The following DGKI variants were observed in gnomAD, a reference collection of about 807,000 sequenced individuals.
DGKI encodes DAG kinase iota.
In DGKI, 55 loss-of-function variants were observed where a neutral mutation model predicts 147.5. The observed-to-expected ratio is 0.37, with a 90% confidence interval of 0.30 to 0.47. The LOEUF (loss-of-function observed/expected upper bound fraction) is 0.47. Ranked by LOEUF, DGKI falls within the 20% of genes least tolerant of loss-of-function variation. The pLI, the probability that DGKI is intolerant of heterozygous loss-of-function variation, is 1.00. For missense variants in DGKI, 1,007 were observed against 1,323.8 expected (o/e 0.76, Z 3.71); for synonymous variants, 469 against 477.1 (o/e 0.98, Z 0.22).
At chr7:137,718,516 T>C (rs1794450779) in intron 1 of DGKI, among the ~76,000 whole-genome samples, 1 of 152,174 alleles carries the variant, frequency 6.6e-6, no homozygotes, top group African/African-American at 2.4e-5. Flanking sequence ...TCAGGGCCAC[T>C]CAAGCGCTTT....
At chr7:137,652,825 G>A (rs752094235) in intron 5 of DGKI, among the ~76,000 whole-genome samples, 6 of 152,020 alleles carry the variant, frequency 3.9e-5, no homozygotes, top group Non-Finnish European at 5.9e-5. Flanking sequence ...CTCTTTAAAT[G>A]TTTGTGATTC....
chr7:137,473,595 A>C (rs1233193173), intron 23 of DGKI, among the ~76,000 whole-genome samples: 1 of 152,188 alleles, frequency 6.6e-6, no homozygotes, highest in Non-Finnish European at 1.5e-5. Context: ...CCTTATGAGA[A>C]TAGGAATCAC....
chr7:137,623,572 G>C lies in DGKI; in HGVS notation c.805-18C>G, dbSNP rs1177802895. 5 of 1,609,400 alleles carry C rather than the reference G, an allele frequency of 3.1e-6. No homozygotes were observed. Among genetic ancestry groups the C allele is most frequent in the Non-Finnish European group, 4.3e-6 (5 of 1,175,922 alleles). ...TGGAAGCCCTGGGATATTAGAACAAGAGACAGATAATTTAAAACCACCTCA... is the reference window on the plus strand; with the variant it reads ...TGGAAGCCCTGGGATATTAGAACAACAGACAGATAATTTAAAACCACCTCA... On this transcript the variant is annotated intron_variant, in intron 6 of 32. Transcript: ENST00000614521.
chr7:137,541,370 C>T (rs963239121), intron 20 of DGKI, among the ~76,000 whole-genome samples: 4 of 152,084 alleles, frequency 2.6e-5, no homozygotes, highest in African/African-American at 7.2e-5. Context: ...TTGTCTATAC[C>T]GAACATGTAC....
At chr7:137,656,616 G>T in intron 3 of DGKI, 76 bp from the exon 4 acceptor site, 5 of 1,330,516 alleles carry the variant, frequency 3.8e-6, no homozygotes, top group East Asian at 2.3e-5. Context: ...ATTAAAGTGG[G>T]CATATATAAT....
chr7:137,550,173 T>G (rs1222283190), intron 20 of DGKI, among the ~76,000 whole-genome samples: 1 of 150,396 alleles, frequency 6.6e-6, no homozygotes, highest in Non-Finnish European at 1.5e-5. Context: ...TTGAGTTTTT[T>G]TTTTTTTTTT....
intron 19 of DGKI, among the ~76,000 whole-genome samples, chr7:137,555,194 G>A (rs1379480499): frequency 1.3e-5 from 2 of 151,356 alleles, no homozygotes; most frequent in Non-Finnish European, 2.9e-5. Flanking sequence ...GATTACAGGT[G>A]TGAGCCACTG....
chr7:137,614,452 A>G lies in DGKI; in HGVS notation c.994-4843T>C, dbSNP rs1037726532. 2.6e-5 allele frequency among the ~76,000 whole-genome samples: 4 copies of G among 152,140 alleles called. No individual in the cohort carries two copies. In the South Asian group the frequency reaches 6.2e-4, roughly 24 times the overall value. On this transcript the variant is annotated intron_variant, in intron 8 of 32. Transcript: ENST00000614521. ...TGACCATCTTTAACTTGCCTGTCCA[A>G]TCAAAATATTGTCTAGTAATATTTT...
chr7:137,664,473 C>T (rs1822566656), intron 3 of DGKI, among the ~76,000 whole-genome samples: 1 of 149,224 alleles, frequency 6.7e-6, no homozygotes, highest in Non-Finnish European at 1.5e-5. Context: ...TATAGCTGAA[C>T]AACTATAATA....
chr7:137,513,993 G>A (rs895236183), intron 21 of DGKI: 29 of 659,208 alleles, frequency 4.4e-5, no homozygotes, highest in South Asian at 7.6e-5. Context: ...AATGCCAGAC[G>A]CTGGGGATGC....
chr7:137,807,621 G>A (rs1030801430), intron 1 of DGKI, among the ~76,000 whole-genome samples: 3 of 152,126 alleles, frequency 2.0e-5, no homozygotes, highest in Non-Finnish European at 4.4e-5. Context: ...TAGTCCATCC[G>A]TGTTCTCTGT....
At chr7:137,650,438 T>C (rs1821984114) in intron 5 of DGKI, among the ~76,000 whole-genome samples, 1 of 152,134 alleles carries the variant, frequency 6.6e-6, no homozygotes, top group Non-Finnish European at 1.5e-5. Context: ...TATTTAAAGG[T>C]GGTTGTAAAG....
chr7:137,429,797 G>A (rs1228833550), intron 28 of DGKI, among the ~76,000 whole-genome samples: 1 of 131,102 alleles, frequency 7.6e-6, no homozygotes, highest in South Asian at 2.9e-4. Context: ...AAAAACACAT[G>A]AAAAAATGCT....
chr7:137,718,450 G>T (rs996647715), intron 1 of DGKI, among the ~76,000 whole-genome samples: 1 of 152,158 alleles, frequency 6.6e-6, no homozygotes, highest in Non-Finnish European at 1.5e-5. Context: ...CGCAGCCAGG[G>T]AGAAAGAGGC....
intron 28 of DGKI, among the ~76,000 whole-genome samples, chr7:137,413,352 G>A (rs745984954): frequency 3.3e-5 from 5 of 151,712 alleles, no homozygotes; most frequent in South Asian, 4.2e-4. Context: ...ATTGCATGAC[G>A]CTGAGGTTTG....
At chr7:137,807,691 C>A (rs1797424936) in intron 1 of DGKI, among the ~76,000 whole-genome samples, 1 of 152,212 alleles carries the variant, frequency 6.6e-6, no homozygotes, top group African/African-American at 2.4e-5. Context: ...TCCCATCAGG[C>A]AAGCCCTGAA....
intron 8 of DGKI, among the ~76,000 whole-genome samples, chr7:137,613,254 C>T (rs904441940): frequency 6.6e-6 from 1 of 152,078 alleles, no homozygotes; most frequent in Non-Finnish European, 1.5e-5. Context: ...CTGGACAAAA[C>T]TCTGGTAGAC....
At chr7:137,564,159 T>C (rs1255996218) in intron 19 of DGKI, among the ~76,000 whole-genome samples, 2 of 152,304 alleles carry the variant, frequency 1.3e-5, no homozygotes, top group Admixed American at 6.5e-5. Context: ...CAAATAGTGC[T>C]GGAAAAAGCT....
At chr7:137,493,262 G>A (rs561099494) in intron 21 of DGKI, among the ~76,000 whole-genome samples, 34 of 152,084 alleles carry the variant, frequency 2.2e-4, no homozygotes, top group South Asian at 1.5e-3. Context: ...CCCCACACCC[G>A]CCAGTGCCCC....
Sources: allele counts gnomAD v4.1 joint callset (sites outside exome capture counted in the v4.1 genomes callset), GRCh38; gene constraint gnomAD v4.1.1; transcripts MANE v1.5; gene names NCBI Gene and HGNC (gene_info 2026-07-23, HGNC 2026-07-21).